PARD3B: variants seen among roughly 807,000 people sequenced by gnomAD.
PARD3B encodes par-3 family cell polarity regulator beta, also known as partitioning defective 3 homolog B.
A neutral mutation model predicts 130.2 loss-of-function variants in PARD3B; 103 were observed. That is an observed-to-expected ratio of 0.79 (90% CI 0.67 to 0.93). The LOEUF is 0.93. Ranked by LOEUF, PARD3B falls within the 40% of genes least tolerant of loss-of-function variation. The probability of loss-of-function intolerance (pLI) is 0.00; values close to 1 mark genes in which losing one functional copy is unlikely to be tolerated. For missense variants in PARD3B, 1,609 were observed against 1,499.2 expected (o/e 1.07, Z -1.21); for synonymous variants, 583 against 553.2 (o/e 1.05, Z -0.76).
At position 204,811,376 on chromosome 2, in the gene PARD3B, A is replaced by G. The variant is rs553308801; in HGVS notation, c.222+125094A>G. Among the ~76,000 whole-genome samples, 3 of 151,792 alleles carry G rather than the reference A, an allele frequency of 2.0e-5. No homozygotes were observed. In the East Asian group the frequency reaches 5.8e-4, roughly 29 times the overall value. On this transcript the variant is annotated intron_variant, in intron 2 of 22. Transcript: ENST00000406610. ...ATTTCTTATGTATATACTTTATCAA[A>G]CTCTACTGGTTTGTGTATACTACAT...
At chr2:204,594,095 A>G (rs571921989) in intron 1 of PARD3B, among the ~76,000 whole-genome samples, 1 of 152,312 alleles carries the variant, frequency 6.6e-6, no homozygotes. Flanking sequence ...TCTATGATTA[A>G]ATAATTGCAG....
chr2:204,865,389 G>A (rs954456894), intron 2 of PARD3B, among the ~76,000 whole-genome samples: 6 of 152,130 alleles, frequency 3.9e-5, no homozygotes, highest in African/African-American at 1.4e-4. Context: ...ATATGCAAAT[G>A]CCCATCAATC....
chr2:204,665,434 T>G (rs1223673069), intron 1 of PARD3B, among the ~76,000 whole-genome samples: 1 of 152,156 alleles, frequency 6.6e-6, no homozygotes, highest in Non-Finnish European at 1.5e-5. Context: ...TGGCAGATTT[T>G]CTTATTTTAG....
intron 2 of PARD3B, among the ~76,000 whole-genome samples, chr2:204,739,718 A>C (rs1352643588): frequency 6.6e-6 from 1 of 152,150 alleles, no homozygotes; most frequent in South Asian, 2.1e-4. Flanking sequence ...CCCAAACTGC[A>C]GGGATTACAG....
chr2:205,570,801 T>C (rs1184287177), intron 22 of PARD3B, among the ~76,000 whole-genome samples: 1 of 152,100 alleles, frequency 6.6e-6, no homozygotes, highest in East Asian at 1.9e-4. Context: ...TTTGGAAAAA[T>C]AACATCCTGT....
At chr2:205,395,522 A>G (rs1342340520) in intron 18 of PARD3B, among the ~76,000 whole-genome samples, 1 of 152,146 alleles carries the variant, frequency 6.6e-6, no homozygotes, top group Admixed American at 6.6e-5. Flanking sequence ...CTGATCTTTA[A>G]GTGTTACAGT....
chr2:205,316,229 T>C (rs190972539), intron 18 of PARD3B, among the ~76,000 whole-genome samples: 1 of 152,128 alleles, frequency 6.6e-6, no homozygotes, highest in Non-Finnish European at 1.5e-5. Context: ...TATTTTTTTT[T>C]AATTTCTGCT....
At chr2:205,418,964 A>G (rs1261546024) in intron 19 of PARD3B, among the ~76,000 whole-genome samples, 1 of 152,208 alleles carries the variant, frequency 6.6e-6, no homozygotes, top group Non-Finnish European at 1.5e-5. Flanking sequence ...ACTATAAACT[A>G]TAATCTTAGT....
chr2:205,503,006 C>A (rs1442859343), intron 21 of PARD3B, among the ~76,000 whole-genome samples: 1 of 139,810 alleles, frequency 7.2e-6, no homozygotes, highest in East Asian at 2.5e-4. Context: ...ATCCCCTCCC[C>A]TCTCCCCTCT....
chr2:205,220,626 C>T (rs1026010662), intron 15 of PARD3B, among the ~76,000 whole-genome samples: 1 of 152,090 alleles, frequency 6.6e-6, no homozygotes, highest in African/African-American at 2.4e-5. Flanking sequence ...GGGGAAGATG[C>T]CAGGCAGTAC....
intron 4 of PARD3B, among the ~76,000 whole-genome samples, chr2:205,090,464 A>G (rs1702037196): frequency 6.6e-6 from 1 of 152,202 alleles, no homozygotes; most frequent in Non-Finnish European, 1.5e-5. Flanking sequence ...CCAAATATTT[A>G]CAACAGTTTC....
intron 2 of PARD3B, among the ~76,000 whole-genome samples, chr2:204,703,750 C>T (rs1559072778): frequency 6.6e-6 from 1 of 152,238 alleles, no homozygotes; most frequent in South Asian, 2.1e-4. Context: ...TTGGATTCTG[C>T]TTCATGTCCC....
In PARD3B at chr2:205,615,449, T is replaced by C; in HGVS notation, c.3261-7T>C. 6.3e-7 allele frequency: 1 copy of C among 1,575,714 alleles called. No individual in the cohort carries two copies. ...CTGCTAACATGTGTCTCTTCTTCTCTTTCCAGGGGAGGACCCGCAGATCCT... is the reference window on the plus strand; with the variant it reads ...CTGCTAACATGTGTCTCTTCTTCTCCTTCCAGGGGAGGACCCGCAGATCCT... On this transcript the variant is annotated splice_polypyrimidine_tract_variant and splice_region_variant and intron_variant, in intron 22 of 22. Coordinates refer to ENST00000406610, the MANE Select transcript of PARD3B (RefSeq NM_001302769.2).
chr2:205,111,262 A>T (rs1325788322), intron 5 of PARD3B, among the ~76,000 whole-genome samples: 1 of 152,052 alleles, frequency 6.6e-6, no homozygotes, highest in African/African-American at 2.4e-5. Context: ...TATTTTTGTG[A>T]TAATAATTTA....
intron 1 of PARD3B, among the ~76,000 whole-genome samples, chr2:204,588,296 A>G (rs1253964563): frequency 6.6e-6 from 1 of 152,200 alleles, no homozygotes; most frequent in Non-Finnish European, 1.5e-5. Flanking sequence ...TTGTACATGT[A>G]ATGAGATAAA....
chr2:204,873,530 C>T (rs1052496423), intron 2 of PARD3B, among the ~76,000 whole-genome samples: 1 of 152,176 alleles, frequency 6.6e-6, no homozygotes. Flanking sequence ...TTTTAAGTTG[C>T]TAACCATTTA....
chr2:204,697,468 T>C (rs1457678056), intron 2 of PARD3B, among the ~76,000 whole-genome samples: 1 of 152,138 alleles, frequency 6.6e-6, no homozygotes, highest in Non-Finnish European at 1.5e-5. Flanking sequence ...AATGAACAGC[T>C]TCTCAATGAA....
chr2:205,443,193 A>G (rs2047784604), intron 20 of PARD3B, among the ~76,000 whole-genome samples: 2 of 152,334 alleles, frequency 1.3e-5, no homozygotes, highest in Admixed American at 6.5e-5. Flanking sequence ...CTTCCCTGAT[A>G]TGCCTGTGCC....
intron 18 of PARD3B, among the ~76,000 whole-genome samples, chr2:205,381,146 T>A (rs1222834955): frequency 3.6e-5 from 1 of 27,846 alleles, no homozygotes; most frequent in Non-Finnish European, 1.5e-4. Flanking sequence ...GAATATATAA[T>A]ATATATAATA....
Sources: allele counts gnomAD v4.1 joint callset (sites outside exome capture counted in the v4.1 genomes callset), GRCh38; gene constraint gnomAD v4.1.1; transcripts MANE v1.5; gene names NCBI Gene and HGNC (gene_info 2026-07-23, HGNC 2026-07-21).